WDR7: variants seen among roughly 807,000 people sequenced by gnomAD.
The protein encoded by WDR7 is WD repeat domain 7.
A neutral mutation model predicts 169.4 loss-of-function variants in WDR7; 46 were observed. The ratio of observed to expected loss-of-function variants is 0.27; its 90% CI spans 0.21 to 0.35. The LOEUF (loss-of-function observed/expected upper bound fraction) is 0.35, where lower values mean the gene tolerates loss of function less well. Ranked by LOEUF, WDR7 falls within the 10% of genes least tolerant of loss-of-function variation. WDR7 has a pLI of 1.00. For missense variants in WDR7, 1,534 were observed against 1,859.3 expected, an observed-to-expected ratio of 0.83 and a Z score of 3.22; for synonymous variants, 612 against 666.8, an observed-to-expected ratio of 0.92 and a Z score of 1.27.
chr18:56,785,291 T>C (rs1308353934), intron 19 of WDR7, among the ~76,000 whole-genome samples: 5 of 152,202 alleles, frequency 3.3e-5, no homozygotes, highest in African/African-American at 1.2e-4. Context: ...GAGATGATCA[T>C]TGTGGCAAGT....
intron 21 of WDR7, among the ~76,000 whole-genome samples, chr18:56,909,597 T>C (rs2046525648): frequency 1.3e-5 from 2 of 152,138 alleles, no homozygotes; most frequent in Admixed American, 1.3e-4. Context: ...TGGACATTTT[T>C]ATATGTTTTA....
chr18:56,794,148 T>G (rs985286835), intron 19 of WDR7, among the ~76,000 whole-genome samples: 1 of 151,872 alleles, frequency 6.6e-6, no homozygotes, highest in Non-Finnish European at 1.5e-5. Context: ...TGTAATGAAC[T>G]TTCATATACC....
chr18:56,715,271 G>GT lies in WDR7; in HGVS notation c.1579-2692dup, dbSNP rs1215046042. On this transcript the variant is annotated intron_variant, in intron 12 of 27. Coordinates refer to ENST00000254442, the MANE Select transcript of WDR7 (RefSeq NM_015285.3). ...TAGCTCAGTGGTTGTCAGCAGCTTT[G>GT]TGTCACCTCAGATGTTGAGATCTCC... Among the ~76,000 whole-genome samples the GT allele has an allele frequency of 7.9e-5, 12 of 152,294 alleles. No homozygotes were observed. In the Middle Eastern group the frequency reaches 0.01, roughly 130 times the overall value.
At chr18:56,994,717 A>G (rs2047873056) in intron 26 of WDR7, among the ~76,000 whole-genome samples, 1 of 152,214 alleles carries the variant, frequency 6.6e-6, no homozygotes, top group African/African-American at 2.4e-5. Context: ...TCCATGAACT[A>G]TACCCTGTAG....
intron 19 of WDR7, among the ~76,000 whole-genome samples, chr18:56,799,928 T>G (rs1426209832): frequency 6.6e-6 from 1 of 152,226 alleles, no homozygotes; most frequent in African/African-American, 2.4e-5. Flanking sequence ...TTATTTGCAG[T>G]GACTCAACTT....
chr18:56,983,570 CAG>C (rs574515963), intron 26 of WDR7, among the ~76,000 whole-genome samples: 8,629 of 60,384 alleles, frequency 0.14, 257 homozygotes, highest in Non-Finnish European at 0.19. Flanking sequence ...CACACACACA[CAG>C]AGAGAGAGAG....
chr18:56,899,873 TAAAC>T lies in WDR7; in HGVS notation c.3526+19711_3526+19714del, dbSNP rs2046377537. 2.0e-5 allele frequency among the ~76,000 whole-genome samples: 3 copies of T among 152,174 alleles called. No individual in the cohort carries two copies. In the South Asian group the frequency reaches 6.2e-4, roughly 32 times the overall value. On this transcript the variant is annotated intron_variant, in intron 21 of 27. Transcript: ENST00000254442. ...CATTGACAAAGTGCTGACACATTGA[TAAAC>T]AAGTAACTTTAGAAATAATCCCTAA...
At chr18:56,943,010 A>C (rs963202665) in intron 25 of WDR7, among the ~76,000 whole-genome samples, 1 of 152,256 alleles carries the variant, frequency 6.6e-6, no homozygotes, top group Non-Finnish European at 1.5e-5. Flanking sequence ...GAGCTGCAAT[A>C]GATGATAAAT....
At chr18:57,011,213 A>G (rs1207963379) in intron 26 of WDR7, among the ~76,000 whole-genome samples, 1 of 152,252 alleles carries the variant, frequency 6.6e-6, no homozygotes, top group Non-Finnish European at 1.5e-5. Context: ...CCCCCCACAG[A>G]AGAAATATTG....
At chr18:57,012,222 G>A (rs2048145793) in intron 26 of WDR7, among the ~76,000 whole-genome samples, 1 of 152,142 alleles carries the variant, frequency 6.6e-6, no homozygotes, top group African/African-American at 2.4e-5. Flanking sequence ...GTGACAGTGG[G>A]CCAGTGGACC....
intron 14 of WDR7, among the ~76,000 whole-genome samples, chr18:56,752,285 A>G (rs1164135877): frequency 6.6e-6 from 1 of 152,186 alleles, no homozygotes; most frequent in Non-Finnish European, 1.5e-5. Context: ...AGCAGTATCC[A>G]TCATGTGATA....
At chr18:56,733,672 A>G (rs994803207) in intron 14 of WDR7, among the ~76,000 whole-genome samples, 1 of 152,162 alleles carries the variant, frequency 6.6e-6, no homozygotes, top group African/African-American at 2.4e-5. Flanking sequence ...AGAATTTACT[A>G]TCCTGTGATT....
At chr18:56,974,770 G>C (rs1018173125) in intron 26 of WDR7, among the ~76,000 whole-genome samples, 2 of 152,170 alleles carry the variant, frequency 1.3e-5, no homozygotes, top group African/African-American at 4.8e-5. Context: ...ACTATGAAAT[G>C]CAAAAGGGAA....
intron 14 of WDR7, among the ~76,000 whole-genome samples, chr18:56,743,588 T>G (rs558209958): frequency 6.6e-6 from 1 of 152,326 alleles, no homozygotes; most frequent in South Asian, 2.1e-4. Context: ...TAGTATTCTT[T>G]TTAAGAACTG....
At chr18:56,718,621 G>C (rs8092905) in intron 13 of WDR7, among the ~76,000 whole-genome samples, 5,219 of 152,314 alleles carry the variant, frequency 0.034, 301 homozygotes, top group African/African-American at 0.12. Flanking sequence ...GAAAGTTTAT[G>C]TATTGGGGGT....
intron 15 of WDR7, among the ~76,000 whole-genome samples, 154 bp downstream of exon 15, chr18:56,757,506 T>C (rs1391627146): frequency 6.6e-6 from 1 of 152,184 alleles, no homozygotes; most frequent in Non-Finnish European, 1.5e-5. Context: ...AACACCAGTT[T>C]CAAAATGCCC....
At chr18:56,765,982 G>A (rs1017072252) in intron 16 of WDR7, among the ~76,000 whole-genome samples, 1 of 149,314 alleles carries the variant, frequency 6.7e-6, no homozygotes, top group African/African-American at 2.5e-5. Context: ...TCAAGTTTTT[G>A]TACATTTGAA....
At chr18:56,819,233 G>C (rs545222220) in intron 20 of WDR7, among the ~76,000 whole-genome samples, 3 of 152,214 alleles carry the variant, frequency 2.0e-5, no homozygotes, top group South Asian at 4.1e-4. Context: ...TACAAGTGTT[G>C]GCTATGATCA....
intron 26 of WDR7, among the ~76,000 whole-genome samples, chr18:57,018,656 CT>C (rs1220360042): frequency 2.6e-5 from 4 of 152,182 alleles, no homozygotes; most frequent in African/African-American, 9.6e-5. Context: ...GTTTTTTGCA[CT>C]TTTGCAGGCC....
Sources: gnomAD v4.1 joint callset for allele counts (sites outside exome capture counted in the v4.1 genomes callset) on GRCh38, gnomAD v4.1.1 for gene constraint, MANE v1.5 for transcripts, NCBI Gene and HGNC (gene_info 2026-07-23, HGNC 2026-07-21) for gene names.